Variants in MUC5AC observed in about 807,000 individuals in gnomAD.
The protein encoded by MUC5AC is mucin 5AC, oligomeric mucus/gel-forming.
In MUC5AC, 158 loss-of-function variants were observed where a neutral mutation model predicts 169.7. The observed-to-expected ratio is 0.93, with a 90% CI of 0.82 to 1.06. The LOEUF is 1.06. Ranked by LOEUF, MUC5AC falls within the 50% of genes least tolerant of loss-of-function variation. The probability of loss-of-function intolerance (pLI) is 0.00; values close to 1 mark genes in which losing one functional copy is unlikely to be tolerated. For missense variants in MUC5AC, 4,359 were observed against 3,089.9 expected, an observed-to-expected ratio of 1.41 and a Z score of -9.74; for synonymous variants, 1,975 against 1,237.0, an observed-to-expected ratio of 1.60 and a Z score of -12.52.
chr11:1,164,255 G>C lies in MUC5AC; in HGVS notation c.939G>C (p.Glu313Asp). 6.2e-7 allele frequency: 1 copy of C among 1,612,660 alleles called. No individual in the cohort carries two copies. Among genetic ancestry groups the C allele is most frequent in the East Asian group, 2.2e-5 (1 of 44,890 alleles). ...LLSCVCHTLA[E>D]YSRQCTHAGG... ...GCTGCGTCTGCCACACCCTTGCCGA[G>C]TACTCCCGGCAGTGCACCCATGCAG... Residue 313 changes from glutamate (E) to aspartate (D), a missense_variant, in exon 8 of 49, where the codon GAG (glutamate) becomes GAC (aspartate). Glu to Asp is a conservative substitution (Grantham distance 45, BLOSUM62 2). Transcript: ENST00000621226.
chr11:1,182,067 T>A (rs1309816174), intron 30 of MUC5AC, 88 bp from the exon 31 acceptor site: 1 of 393,544 alleles, frequency 2.5e-6, no homozygotes, highest in East Asian at 3.6e-5. Flanking sequence ...CTGGCGCAGC[T>A]CCAGACCGGT....
chr11:1,196,235 G>A (rs1416206333), intron 37 of MUC5AC, among the ~76,000 whole-genome samples, 153 bp from the exon 38 acceptor site: 2 of 152,216 alleles, frequency 1.3e-5, no homozygotes, highest in Admixed American at 6.5e-5. Context: ...CTGGGAGCCC[G>A]TGGCGGGGCA....
In MUC5AC at chr11:1,190,909, C is replaced by T. The variant is rs1257830566; in HGVS notation, c.12764C>T (p.Thr4255Ile). 9.5e-6 allele frequency: 7 copies of T among 737,102 alleles called. No individual in the cohort carries two copies. The highest frequency in any genetic ancestry group is 1.5e-5 in the Non-Finnish European group (6 of 405,150). The allele number at this position is 737,102 out of a possible 1,614,324, so 45.7% of individuals were successfully genotyped here. ...PTTSTTSGPG[T>I]TPSPVPSTST... ...ACCAGCACAACCTCTGGTCCTGGAA[C>T]TACTCCAAGCCCTGTTCCCAGCACC... The change falls in exon 31 of 49, where the codon ACT (threonine) becomes ATT (isoleucine). Residue 4255 changes from threonine to isoleucine, a missense_variant. Physicochemically the swap from Thr to Ile is moderately conservative, Grantham distance 89. Transcript: ENST00000621226.
In MUC5AC at chr11:1,195,199, A is replaced by C. The variant is rs755804237; in HGVS notation, c.15378A>C (p.Thr5126=). ...GGTCTACCACGGTCGGGCCCACCAC[A>C]GTTGGGTCTACCACGGTCGGGCCCA... ...TVGSTTVGPT[T]VGSTTVGPTT... The change falls in exon 36 of 49, where the codon ACA becomes ACC. Residue 5126 remains threonine (T), a synonymous_variant. Coordinates refer to ENST00000621226, the MANE Select transcript of MUC5AC (RefSeq NM_001304359.2). 7.9e-6 allele frequency: 6 copies of C among 760,086 alleles called. No individual in the cohort carries two copies. In the East Asian group the frequency reaches 1.2e-4, roughly 15 times the overall value. 47.1% of individuals were successfully genotyped at this position (760,086 alleles called of 1,614,324 possible). A position where few individuals can be genotyped will look rare whatever the true frequency, so the allele number is the denominator to read the frequency against.
At position 1,196,008 on chromosome 11, in the gene MUC5AC, C is replaced by T; in HGVS notation, c.15591C>T (p.Ser5197=). The T allele has an allele frequency of 1.3e-6, 1 of 764,914 alleles. No homozygotes were observed. Among genetic ancestry groups the T allele is most frequent in the East Asian group, 2.4e-5 (1 of 41,250 alleles). 47.4% of individuals were successfully genotyped at this position (764,914 alleles called of 1,614,324 possible). The change falls in exon 37 of 49, where the codon TCC becomes TCT. Residue 5197 remains serine (S), a synonymous_variant. Coordinates refer to ENST00000621226, the MANE Select transcript of MUC5AC (RefSeq NM_001304359.2). ...AGCTGTACGCGGCACTCTGTGCGTC[C>T]CACGACATCTGCATCGATTGGAGAG... ...SLELYAALCA[S]HDICIDWRGR...
chr11:1,171,982 CTCAG>C (rs1196845412), intron 15 of MUC5AC, among the ~76,000 whole-genome samples: 10 of 151,026 alleles, frequency 6.6e-5, no homozygotes, highest in South Asian at 2.1e-4. Flanking sequence ...CACTCACTCA[CTCAG>C]TCATTCACTT....
Position 1,185,358 on chromosome 11 carries a change from A to G in MUC5AC, c.7213A>G (p.Thr2405Ala). The G allele has an allele frequency of 8.3e-6, 6 of 719,420 alleles. No individual in the cohort carries two copies. Among genetic ancestry groups the G allele is most frequent in the Non-Finnish European group, 1.5e-5 (6 of 394,596 alleles). The allele number at this position is 719,420 out of a possible 1,614,324, so 44.6% of individuals were successfully genotyped here. ...CAGCCCTGTTCCTACCACCAGCACA[A>G]CCTCTGCCACTACAACCAGCACAAC... ...TPSPVPTTSTTSATTTSTTSA... is the reference protein window; with the variant it reads ...TPSPVPTTSTASATTTSTTSA... The change falls in exon 31 of 49, where the codon ACC becomes GCC. Residue 2405 changes from threonine to alanine, a missense_variant. Physicochemically the swap from Thr to Ala is moderately conservative, Grantham distance 58. Coordinates refer to ENST00000621226, the MANE Select transcript of MUC5AC (RefSeq NM_001304359.2).
chr11:1,169,874 CCACT>C (rs1860448637), intron 15 of MUC5AC, among the ~76,000 whole-genome samples: 3 of 124,162 alleles, frequency 2.4e-5, no homozygotes, highest in South Asian at 3.0e-4. Context: ...ACCCACTCAC[CCACT>C]CACTCACCCA....
At chr11:1,193,070 T>G (rs1003257427) in intron 32 of MUC5AC, 88 bp downstream of exon 32, 4 of 607,220 alleles carry the variant, frequency 6.6e-6, no homozygotes, top group Non-Finnish European at 1.2e-5. Flanking sequence ...AGCTGCAAAG[T>G]CTTGAGAAGG....
Position 1,182,149 on chromosome 11 carries a change from C to T in MUC5AC, c.4010-6C>T, listed in dbSNP as rs996466183. ...CATGCTCAGCTGCCTTCTCTTCTGC[C>T]CACAGTCGTGAGCTCCACGCACACC... On this transcript the variant is annotated splice_polypyrimidine_tract_variant and splice_region_variant and intron_variant, in intron 30 of 48. Transcript: ENST00000621226. The T allele has an allele frequency of 1.4e-4, 55 of 398,646 alleles. 2 individuals are homozygous for T. In the South Asian group the frequency reaches 6.4e-3, roughly 46 times the overall value. The allele number at this position is 398,646 out of a possible 1,614,324, so 24.7% of individuals were successfully genotyped here.
At position 1,177,215 on chromosome 11, in the gene MUC5AC, G is replaced by T; in HGVS notation, c.2794-16G>T. Reference sequence around the variant, plus strand: ...GGCAGGGCCTGCCTGGTCCTTGATGGCCTCTGCTTCCCCAGAACCACTGTG... The same window carrying T: ...GGCAGGGCCTGCCTGGTCCTTGATGTCCTCTGCTTCCCCAGAACCACTGTG... On this transcript the variant is annotated splice_polypyrimidine_tract_variant and intron_variant, in intron 22 of 48. Coordinates refer to ENST00000621226, the MANE Select transcript of MUC5AC (RefSeq NM_001304359.2). 2.5e-6 allele frequency: 1 copy of T among 401,814 alleles called. No homozygotes were observed. Among genetic ancestry groups the T allele is most frequent in the East Asian group, 3.5e-5 (1 of 28,216 alleles). 24.9% of individuals were successfully genotyped at this position (401,814 alleles called of 1,614,324 possible). A position where few individuals can be genotyped will look rare whatever the true frequency, so the allele number is the denominator to read the frequency against.
Position 1,161,902 on chromosome 11 carries a change from C to G in MUC5AC, c.212-5C>G, listed in dbSNP as rs373899124. On this transcript the variant is annotated splice_polypyrimidine_tract_variant and splice_region_variant and intron_variant, in intron 3 of 48. Transcript: ENST00000621226. The stretch of plus-strand genomic sequence containing the variant: ...CCCCCAAACACCATGCTGCTTCCAC[C>G]GCAGCCTCCAACCCGGCGCACAACG... The G allele has an allele frequency of 1.2e-6, 2 of 1,610,042 alleles. No homozygotes were observed. Among genetic ancestry groups the G allele is most frequent in the Middle Eastern group, 3.3e-4 (2 of 6,044 alleles).
At chr11:1,196,812 G>C in intron 39 of MUC5AC, 65 bp from the exon 40 acceptor site, 1 of 744,558 alleles carries the variant, frequency 1.3e-6, no homozygotes, top group Non-Finnish European at 2.4e-6. Context: ...CCCAATATGG[G>C]ACCCTGCCTC....
At chr11:1,196,166 G>A (rs936764919) in intron 37 of MUC5AC, 112 bp downstream of exon 37, 4 of 625,110 alleles carry the variant, frequency 6.4e-6, no homozygotes, top group Admixed American at 2.6e-5. Context: ...GGAGGAGGAG[G>A]GGGCAGCCCC....
At position 1,164,139 on chromosome 11, in the gene MUC5AC, T is replaced by G. The variant is rs753758903; in HGVS notation, c.823T>G (p.Phe275Val). Reference protein sequence around the residue: ...ICEELLHGQLFSGCVALVDVG... With the variant: ...ICEELLHGQLVSGCVALVDVG... The stretch of plus-strand genomic sequence containing the variant: ...TGAGGAGCTCCTGCACGGCCAGCTG[T>G]TCTCTGGCTGCGTGGCCCTGGTGGA... The change falls in exon 8 of 49, where the codon TTC becomes GTC. Residue 275 changes from phenylalanine (F) to valine (V), a missense_variant. Coordinates refer to ENST00000621226, the MANE Select transcript of MUC5AC (RefSeq NM_001304359.2). The G allele has an allele frequency of 6.2e-7, 1 of 1,612,344 alleles. No individual in the cohort carries two copies. Among genetic ancestry groups the G allele is most frequent in the South Asian group, 1.1e-5 (1 of 91,076 alleles).
chr11:1,200,093 G>A (rs1193766665), intron 48 of MUC5AC, 124 bp downstream of exon 48: 1 of 613,124 alleles, frequency 1.6e-6, no homozygotes, highest in Non-Finnish European at 2.9e-6. Context: ...AGGGCTCTGA[G>A]GGTGAGGCGG....
At chr11:1,159,410 G>A (rs1019413270) in intron 1 of MUC5AC, among the ~76,000 whole-genome samples, 1 of 140,606 alleles carries the variant, frequency 7.1e-6, no homozygotes, top group Non-Finnish European at 1.6e-5. Context: ...CGATGATGGT[G>A]CTGGGCGGGG....
intron 28 of MUC5AC, among the ~76,000 whole-genome samples, chr11:1,180,849 C>T (rs1484097808): frequency 6.6e-6 from 1 of 152,114 alleles, no homozygotes; most frequent in African/African-American, 2.4e-5. Flanking sequence ...GGAAGGATGC[C>T]CATTAAAATC....
At chr11:1,178,835 G>A in intron 25 of MUC5AC, among the ~76,000 whole-genome samples, 152 bp downstream of exon 25, 1 of 152,314 alleles carries the variant, frequency 6.6e-6, no homozygotes, top group East Asian at 1.9e-4. Context: ...TCGCCTAGAG[G>A]GGCTGGGCTT....
Sources: allele counts gnomAD v4.1 joint callset (sites outside exome capture counted in the v4.1 genomes callset), GRCh38; gene constraint gnomAD v4.1.1; transcripts MANE v1.5; gene names NCBI Gene and HGNC (gene_info 2026-07-23, HGNC 2026-07-21).